Variants in GLI1 observed in about 807,000 individuals in gnomAD.
GLI1 encodes the protein GLI family zinc finger 1, also known as transcription activator GLI1.
GLI1 carries 51 observed loss-of-function variants against 87.8 expected under a neutral mutation model. The observed-to-expected ratio is 0.58, with a 90% CI of 0.46 to 0.73. The LOEUF is 0.73. GLI1 is among the 30% of genes least tolerant of loss of function. GLI1 has a pLI of 0.00. For missense variants in GLI1, 1,292 were observed against 1,437.2 expected, an observed-to-expected ratio of 0.90 and a Z score of 1.63; for synonymous variants, 528 against 558.2, an observed-to-expected ratio of 0.95 and a Z score of 0.76.
intron 1 of GLI1, among the ~76,000 whole-genome samples, chr12:57,462,614 C>T (rs1871218268): frequency 6.6e-6 from 1 of 152,242 alleles, no homozygotes; most frequent in Non-Finnish European, 1.5e-5. Flanking sequence ...TCCCCTCATA[C>T]TTCCTTTCCT....
At position 57,464,178 on chromosome 12, in the gene GLI1, G is replaced by T; in HGVS notation, c.193+87G>T. 9.9e-6 allele frequency: 9 copies of T among 908,272 alleles called. No individual in the cohort carries two copies. In the Admixed American group the frequency reaches 1.4e-4, roughly 14 times the overall value. 56.3% of individuals were successfully genotyped at this position (908,272 alleles called of 1,614,324 possible). A position where few individuals can be genotyped will look rare whatever the true frequency, so the allele number is the denominator to read the frequency against. On this transcript the variant is annotated intron_variant, in intron 3 of 11. Coordinates refer to ENST00000228682, the MANE Select transcript of GLI1 (RefSeq NM_005269.3). ...AGTGGGAGGGCAGGGGATCTCACTT[G>T]GAGGAGGAGATGCTTGGAGATGTGA...
Position 57,472,013 on chromosome 12 carries a change from A to C in GLI1, c.3273A>C (p.Leu1091Phe), listed in dbSNP as rs771230727. Residue 1091 changes from leucine (L) to phenylalanine (F), a missense_variant, in exon 12 of 12, where the codon TTA (leucine) becomes TTC (phenylalanine). Physicochemically the swap from Leu to Phe is conservative, Grantham distance 22. This residue lies in a region of GLI1 where 897 missense variants were observed against 1,040.7 expected (regional missense o/e 0.86). Transcript: ENST00000228682. Reference sequence around the variant, plus strand: ...TGGCTGTGGGCAACATGAGTGTCTTACTGAGATCCCTACCTGGGGAAACAG... The same window carrying C: ...TGGCTGTGGGCAACATGAGTGTCTTCCTGAGATCCCTACCTGGGGAAACAG... ...PNMAVGNMSV[L>F]LRSLPGETEF... 2.0e-5 allele frequency: 31 copies of C among 1,536,842 alleles called. No homozygotes were observed. Among genetic ancestry groups the C allele is most frequent in the Non-Finnish European group, 2.3e-5 (26 of 1,144,890 alleles).
chr12:57,468,153 G>C lies in GLI1; in HGVS notation c.1237G>C (p.Glu413Gln). 1 of 1,614,112 alleles carries C rather than the reference G, an allele frequency of 6.2e-7. No homozygotes were observed. Among genetic ancestry groups the C allele is most frequent in the East Asian group, 2.2e-5 (1 of 44,890 alleles). The change falls in exon 10 of 12, where the codon GAG becomes CAG. Residue 413 changes from glutamate to glutamine, a missense_variant. Around this residue, in one of 3 missense-constraint regions of GLI1, gnomAD observed 897 missense variants for 1,040.7 expected, o/e 0.86. Transcript: ENST00000228682. Reference sequence around the variant, plus strand: ...TCGGGCACCATCCATTTCTACAGTGGAGCCCAAGAGGGAGCGGGAAGGAGG... The same window carrying C: ...TCGGGCACCATCCATTTCTACAGTGCAGCCCAAGAGGGAGCGGGAAGGAGG... ...LPRAPSISTV[E>Q]PKREREGGPI...
rs1182931922 is a variant in GLI1 at position 57,468,011 on chromosome 12, G to T, written c.1095G>T (p.Lys365Asn). 6.2e-7 allele frequency: 1 copy of T among 1,613,804 alleles called. No homozygotes were observed. The highest frequency in any genetic ancestry group is 8.5e-7 in the Non-Finnish European group (1 of 1,179,710). ...THSNEKPYVC[K>N]LPGCTKRYTD... is the part of the protein sequence containing the mutation. ...CTCAACAGAAGCCGTATGTATGTAA[G>T]CTCCCTGGCTGCACCAAACGCTATA... Residue 365 changes from lysine (K) to asparagine (N), a missense_variant, in exon 10 of 12, where the codon AAG (lysine) becomes AAT (asparagine). By Grantham distance (94) the Lys-to-Asn change is moderately conservative. Coordinates refer to ENST00000228682, the MANE Select transcript of GLI1 (RefSeq NM_005269.3).
At position 57,471,467 on chromosome 12, in the gene GLI1, G is replaced by A. The variant is rs1198130885; in HGVS notation, c.2727G>A (p.Leu909=). Residue 909 remains leucine (L), a synonymous_variant, in exon 12 of 12, where the codon CTG becomes CTA. Transcript: ENST00000228682. This position sits in a 1 kb window ranked among gnomAD's most constrained non-coding sequence, Gnocchi z 4.9. ...CNYVQSQQEL[L]WEGGGREDAP... ...ATGTTCAATCTCAACAGGAGCTACT[G>A]TGGGAGGGTGGGGGCAGGGAAGATG... 1 of 1,613,114 alleles carries A rather than the reference G, an allele frequency of 6.2e-7. No individual in the cohort carries two copies. The highest frequency in any genetic ancestry group is 1.3e-5 in the African/African-American group (1 of 75,012).
In GLI1 at chr12:57,469,712, G is replaced by T. The variant is rs761540711; in HGVS notation, c.1576+14G>T. The T allele has an allele frequency of 2.5e-5, 41 of 1,610,556 alleles. 2 individuals carry two copies. The South Asian group carries it at 4.4e-4, about 17-fold the overall frequency. ...TGTCCCACACCGGTGAGACCTGGGT[G>T]TGGGAGGTGTGGCTGGGGTGAGATC... is the stretch of plus-strand genomic sequence containing the variant. On this transcript the variant is annotated intron_variant, in intron 11 of 11. Coordinates refer to ENST00000228682, the MANE Select transcript of GLI1 (RefSeq NM_005269.3).
chr12:57,469,156 T>C (rs1871699758), intron 10 of GLI1, among the ~76,000 whole-genome samples: 1 of 152,218 alleles, frequency 6.6e-6, no homozygotes, highest in Non-Finnish European at 1.5e-5. Flanking sequence ...CTGTTCCCAT[T>C]TTCAGTTGAA....
In GLI1 at chr12:57,470,631, C is replaced by G. The variant is rs2139865362; in HGVS notation, c.1891C>G (p.Pro631Ala). Reference sequence around the variant, plus strand: ...CCGAGCCGAGTATCCAGGATACAACCCCAATGCAGGGGTCACCCGGAGGGC... The same window carrying G: ...CCGAGCCGAGTATCCAGGATACAACGCCAATGCAGGGGTCACCCGGAGGGC... ...RSRAEYPGYN[P>A]NAGVTRRASD... The change falls in exon 12 of 12, where the codon CCC becomes GCC. Residue 631 changes from proline to alanine, a missense_variant. Transcript: ENST00000228682. 1.2e-6 allele frequency: 2 copies of G among 1,614,020 alleles called. No individual in the cohort carries two copies. The highest frequency in any genetic ancestry group is 4.5e-5 in the East Asian group (2 of 44,882).
In GLI1 at chr12:57,471,963, C is replaced by G; in HGVS notation, c.3223C>G (p.Pro1075Ala). The G allele has an allele frequency of 6.2e-7, 1 of 1,604,872 alleles. No homozygotes were observed. The highest frequency in any genetic ancestry group is 8.5e-7 in the Non-Finnish European group (1 of 1,175,688). ...TCAGCGGGGCAGCTCTGGACATACCCCACCTCCCTCTGGGCCCCCCAACAT... is the reference window on the plus strand; with the variant it reads ...TCAGCGGGGCAGCTCTGGACATACCGCACCTCCCTCTGGGCCCCCCAACAT... ...HDQRGSSGHT[P>A]PPSGPPNMAV... The change falls in exon 12 of 12, where the codon CCA (proline) becomes GCA (alanine). Residue 1075 changes from proline (P) to alanine (A), a missense_variant. Pro to Ala is a conservative substitution (Grantham distance 27). Coordinates refer to ENST00000228682, the MANE Select transcript of GLI1 (RefSeq NM_005269.3). This position sits in a 1 kb window ranked among gnomAD's most constrained non-coding sequence, Gnocchi z 4.9.
intron 11 of GLI1, 21 bp downstream of exon 11, chr12:57,469,719 G>T (rs1243665623): frequency 6.2e-7 from 1 of 1,608,922 alleles, no homozygotes; most frequent in Admixed American, 1.7e-5. Context: ...GGTGTGGGAG[G>T]TGTGGCTGGG....
intron 5 of GLI1, 165 bp downstream of exon 5, chr12:57,465,420 C>T (rs1318944518): frequency 1.2e-5 from 9 of 744,318 alleles, no homozygotes; most frequent in Non-Finnish European, 1.8e-5. Context: ...GAGTCAGACG[C>T]TTCCAAATGG....
chr12:57,462,737 C>A (rs1038496604), intron 1 of GLI1, among the ~76,000 whole-genome samples: 3 of 152,214 alleles, frequency 2.0e-5, no homozygotes, highest in Non-Finnish European at 4.4e-5. Context: ...CCCTCAGGAA[C>A]CTTACCTCCT....
chr12:57,470,463 G>A lies in GLI1; in HGVS notation c.1723G>A (p.Ala575Thr), dbSNP rs775773783. ...FPPGSPPENG[A>T]SSLPGLMPAQ... ...CCCTGGCTCCCCACCAGAGAATGGA[G>A]CATCCTCCCTGCCTGGCCTTATGCC... is the stretch of plus-strand genomic sequence containing the variant. Residue 575 changes from alanine to threonine, a missense_variant, in exon 12 of 12, where the codon GCA becomes ACA. Physicochemically the swap from Ala to Thr is moderately conservative, Grantham distance 58. Around this residue, in one of 3 missense-constraint regions of GLI1, gnomAD observed 897 missense variants for 1,040.7 expected, o/e 0.86. Coordinates refer to ENST00000228682, the MANE Select transcript of GLI1 (RefSeq NM_005269.3). 1.1e-5 allele frequency: 17 copies of A among 1,614,166 alleles called. No individual in the cohort carries two copies. The highest frequency in any genetic ancestry group is 3.4e-6 in the Non-Finnish European group (4 of 1,180,000).
Position 57,469,681 on chromosome 12 carries a change from C to T in GLI1, c.1559C>T (p.Pro520Leu), listed in dbSNP as rs1372547639. Residue 520 changes from proline to leucine, a missense_variant, in exon 11 of 12, where the codon CCC becomes CTC. Pro to Leu is a moderately conservative substitution (Grantham distance 98). This residue lies in a region of GLI1 where 897 missense variants were observed against 1,040.7 expected (regional missense o/e 0.86). Coordinates refer to ENST00000228682, the MANE Select transcript of GLI1 (RefSeq NM_005269.3). ...ATAGGGACCCGGGGTCTCAAACTGC[C>T]CAGCTTGTCCCACACCGGTGAGACC... ...RPIGTRGLKL[P>L]SLSHTGTTVS... 6.2e-7 allele frequency: 1 copy of T among 1,613,538 alleles called. No individual in the cohort carries two copies. Among genetic ancestry groups the T allele is most frequent in the African/African-American group, 1.3e-5 (1 of 75,042 alleles).
chr12:57,468,149 A>G lies in GLI1; in HGVS notation c.1233A>G (p.Thr411=), dbSNP rs1207985566. Residue 411 remains threonine (T), a synonymous_variant, in exon 10 of 12, where the codon ACA becomes ACG. Coordinates refer to ENST00000228682, the MANE Select transcript of GLI1 (RefSeq NM_005269.3). ...TGCCTCGGGCACCATCCATTTCTAC[A>G]GTGGAGCCCAAGAGGGAGCGGGAAG... ...GPLPRAPSIS[T]VEPKREREGG... 20 of 1,614,202 alleles carry G rather than the reference A, an allele frequency of 1.2e-5. No homozygotes were observed. The highest frequency in any genetic ancestry group is 1.6e-5 in the Non-Finnish European group (19 of 1,180,032).
chr12:57,468,054 C>A lies in GLI1; in HGVS notation c.1138C>A (p.Arg380=), dbSNP rs759838377. The A allele has an allele frequency of 1.4e-5, 22 of 1,614,084 alleles. No individual in the cohort carries two copies. The highest frequency in any genetic ancestry group is 1.8e-5 in the Non-Finnish European group (21 of 1,180,026). Residue 380 remains arginine (R), a synonymous_variant, in exon 10 of 12, where the codon CGA becomes AGA. Coordinates refer to ENST00000228682, the MANE Select transcript of GLI1 (RefSeq NM_005269.3). The stretch of plus-strand genomic sequence containing the variant: ...ACGCTATACAGATCCTAGCTCGCTG[C>A]GAAAACATGTCAAGACAGTGCATGG... ...TKRYTDPSSL[R]KHVKTVHGPD...
At position 57,463,750 on chromosome 12, in the gene GLI1, G is replaced by C. The variant is rs199861974; in HGVS notation, c.59G>C (p.Arg20Pro). 7.4e-6 allele frequency: 12 copies of C among 1,610,934 alleles called. No individual in the cohort carries two copies. The highest frequency in any genetic ancestry group is 1.0e-5 in the Non-Finnish European group (12 of 1,179,288). ...AGCTATGGCGAGCCCTGCTGTCTCC[G>C]GCCCCTCCCCAGTCAGGGGGCCCCC... ...ISSYGEPCCLRPLPSQGAPSV... is the reference protein window; with the variant it reads ...ISSYGEPCCLPPLPSQGAPSV... Residue 20 changes from arginine to proline, a missense_variant, in exon 2 of 12, where the codon CGG (arginine) becomes CCG (proline). Physicochemically the swap from Arg to Pro is moderately radical, Grantham distance 103. Coordinates refer to ENST00000228682, the MANE Select transcript of GLI1 (RefSeq NM_005269.3).
rs368186732 is a variant in GLI1, at chr12:57,469,588, G to A, written c.1466G>A (p.Gly489Asp). The stretch of plus-strand genomic sequence containing the variant: ...TTGGACGAGGGACCTTGCATTGCTG[G>A]CACTGGTCTGTCCACTCTTCGCCGC... The part of the protein sequence containing the change: ...SSLDEGPCIA[G>D]TGLSTLRRLE... Residue 489 changes from glycine (G) to aspartate (D), a missense_variant, in exon 11 of 12, where the codon GGC (glycine) becomes GAC (aspartate). Transcript: ENST00000228682. 3 of 1,614,040 alleles carry A rather than the reference G, an allele frequency of 1.9e-6. No individual in the cohort carries two copies. Among genetic ancestry groups the A allele is most frequent in the African/African-American group, 2.7e-5 (2 of 74,908 alleles).
chr12:57,460,954 C>T (rs1336748306), intron 1 of GLI1, among the ~76,000 whole-genome samples: 1 of 152,124 alleles, frequency 6.6e-6, no homozygotes, highest in African/African-American at 2.4e-5. Flanking sequence ...AGACCCCTAC[C>T]GGGGCTGGGC....
Sources: allele counts gnomAD v4.1 joint callset (sites outside exome capture counted in the v4.1 genomes callset), GRCh38; gene constraint gnomAD v4.1.1; regional missense constraint gnomAD v4.1.1; non-coding constraint Gnocchi (gnomAD v3.1); transcripts MANE v1.5; gene names NCBI Gene and HGNC (gene_info 2026-07-23, HGNC 2026-07-21).